The following FTO variants were observed in gnomAD, a reference collection of about 807,000 sequenced individuals.
FTO encodes the protein alpha-ketoglutarate-dependent dioxygenase FTO.
A neutral mutation model predicts 63.9 loss-of-function variants in FTO; 47 were observed. The ratio of observed to expected loss-of-function variants is 0.74; its 90% CI spans 0.58 to 0.94. FTO has a LOEUF of 0.94. Among genes scored for constraint, FTO ranks in the 40% least tolerant of loss-of-function variants. FTO has a pLI of 0.00. For synonymous variants in FTO, 207 were observed against 224.4 expected (o/e 0.92, Z 0.69); for missense variants, 562 against 618.1 (o/e 0.91, Z 0.96).
intron 1 of FTO, among the ~76,000 whole-genome samples, chr16:53,736,999 C>T (rs1209614091): frequency 6.6e-6 from 1 of 152,182 alleles, no homozygotes; most frequent in South Asian, 2.1e-4. Flanking sequence ...CCATTTATCA[C>T]TTCAGCTTCT....
chr16:54,078,216 T>A (rs113185297), intron 8 of FTO, among the ~76,000 whole-genome samples: 4 of 151,278 alleles, frequency 2.6e-5, no homozygotes, highest in Non-Finnish European at 5.9e-5. Context: ...TATATGTATA[T>A]GTAAACTTAT....
chr16:53,996,977 G>T (rs1025695308), intron 8 of FTO, among the ~76,000 whole-genome samples: 2 of 152,066 alleles, frequency 1.3e-5, no homozygotes, highest in Non-Finnish European at 2.9e-5. Flanking sequence ...GCCTGGCGTG[G>T]TGGCGGGTGC....
chr16:53,849,817 C>T (rs957234969), intron 4 of FTO, among the ~76,000 whole-genome samples: 16 of 152,348 alleles, frequency 1.1e-4, no homozygotes, highest in Non-Finnish European at 1.6e-4. Flanking sequence ...GGAGTTTAGA[C>T]TCTTAAGCGG....
At chr16:53,725,727 A>G (rs938834718) in intron 1 of FTO, among the ~76,000 whole-genome samples, 2 of 152,188 alleles carry the variant, frequency 1.3e-5, no homozygotes, top group Non-Finnish European at 2.9e-5. Context: ...CCCCAGGCTC[A>G]CTTAAGGATG....
intron 2 of FTO, chr16:53,814,810 C>T (rs950364244): frequency 3.3e-5 from 5 of 152,176 alleles, no homozygotes; most frequent in Admixed American, 2.6e-4. Flanking sequence ...TTACTTACTC[C>T]ATTAAACAAA....
chr16:54,110,061 T>C (rs1421631903), intron 8 of FTO, among the ~76,000 whole-genome samples: 4 of 152,194 alleles, frequency 2.6e-5, no homozygotes, highest in African/African-American at 9.7e-5. Context: ...GCAGCTTTCC[T>C]TGAATATTAA....
intron 4 of FTO, among the ~76,000 whole-genome samples, chr16:53,851,801 A>T (rs533390187): frequency 1.3e-5 from 2 of 152,222 alleles, no homozygotes; most frequent in East Asian, 3.9e-4. Context: ...ACAAGGAAAT[A>T]AAAATTGAAA....
At chr16:53,743,746 G>A (rs2076581787) in intron 1 of FTO, among the ~76,000 whole-genome samples, 2 of 151,528 alleles carry the variant, frequency 1.3e-5, no homozygotes, top group East Asian at 1.9e-4. Flanking sequence ...TAACTTACAT[G>A]TATTATCTCC....
chr16:53,809,878 T>A (rs1201305905), intron 1 of FTO, among the ~76,000 whole-genome samples: 1 of 152,032 alleles, frequency 6.6e-6, no homozygotes, highest in East Asian at 1.9e-4. Flanking sequence ...GAGTTTGATG[T>A]TATAGTGAGT....
At chr16:54,111,690 C>T (rs552126057) in intron 8 of FTO, 72 bp from the exon 9 acceptor site, 44 of 1,552,184 alleles carry the variant, frequency 2.8e-5, no homozygotes, top group Non-Finnish European at 3.8e-5. Context: ...AGTGTTGCTC[C>T]AAGCTTCCTG....
intron 1 of FTO, among the ~76,000 whole-genome samples, chr16:53,795,466 T>C (rs191406439): frequency 9.9e-5 from 15 of 151,874 alleles, no homozygotes; most frequent in African/African-American, 2.9e-4. Context: ...TGTGTGTGTG[T>C]GCGTGCGTGT....
intron 1 of FTO, among the ~76,000 whole-genome samples, chr16:53,751,184 G>GC (rs1483027735): frequency 1.3e-5 from 1 of 74,650 alleles, no homozygotes; most frequent in African/African-American, 1.1e-4. Flanking sequence ...CAAGGCGAGA[G>GC]ATCACTTGAG....
chr16:53,964,792 A>G (rs1307313310), intron 8 of FTO, among the ~76,000 whole-genome samples: 1 of 152,256 alleles, frequency 6.6e-6, no homozygotes. Context: ...GTTAAGGCAT[A>G]TACTGAATTC....
At chr16:53,722,408 A>G (rs1457498956) in intron 1 of FTO, among the ~76,000 whole-genome samples, 2 of 152,198 alleles carry the variant, frequency 1.3e-5, no homozygotes, top group African/African-American at 4.8e-5. Flanking sequence ...TTCTTGTCAA[A>G]TGGAAACATG....
At chr16:54,076,547 G>A (rs1298459964) in intron 8 of FTO, among the ~76,000 whole-genome samples, 2 of 151,846 alleles carry the variant, frequency 1.3e-5, no homozygotes, top group Non-Finnish European at 2.9e-5. Context: ...TGTCTTTTGC[G>A]TTTTATATAC....
chr16:54,114,391 T>C lies in FTO; in HGVS notation c.*2476T>C, dbSNP rs2086953428. ...TGACTATTGAACTCTATTCGTAGACTGCTTGTACTAATGTCATTTGCATCA... is the reference window on the plus strand; with the variant it reads ...TGACTATTGAACTCTATTCGTAGACCGCTTGTACTAATGTCATTTGCATCA... On this transcript the variant is annotated 3_prime_UTR_variant, in exon 9 of 9. Transcript: ENST00000471389. 2 of 152,204 alleles carry C rather than the reference T, an allele frequency of 1.3e-5. No homozygotes were observed. Among genetic ancestry groups the C allele is most frequent in the South Asian group, 4.1e-4 (2 of 4,836 alleles). 9.4% of individuals were successfully genotyped at this position (152,204 alleles called of 1,614,324 possible).
At position 54,116,655 on chromosome 16, in the gene FTO, TG is replaced by T. The variant is rs2086976857; in HGVS notation, c.*4741del. The T allele has an allele frequency of 6.6e-6, 1 of 152,014 alleles. No homozygotes were observed. The highest frequency in any genetic ancestry group is 6.5e-5 in the Admixed American group (1 of 15,272). The allele number at this position is 152,014 out of a possible 1,614,324, so 9.4% of individuals were successfully genotyped here. A position where few individuals can be genotyped will look rare whatever the true frequency, so the allele number is the denominator to read the frequency against. On this transcript the variant is annotated 3_prime_UTR_variant, in exon 9 of 9. Coordinates refer to ENST00000471389, the MANE Select transcript of FTO (RefSeq NM_001080432.3). The stretch of plus-strand genomic sequence containing the variant: ...GGGAAGCCGGCTAAGAATGACTTCC[TG>T]CAAGACAGCAAGGGCACCCCTGGGC...
chr16:53,842,383 A>G (rs1208709132), intron 3 of FTO, among the ~76,000 whole-genome samples: 1 of 152,224 alleles, frequency 6.6e-6, no homozygotes. Context: ...TGACCAGTAA[A>G]TAGTAAGTGC....
At chr16:53,893,666 A>G (rs1567407792) in intron 7 of FTO, among the ~76,000 whole-genome samples, 2 of 151,982 alleles carry the variant, frequency 1.3e-5, no homozygotes, top group Non-Finnish European at 2.9e-5. Flanking sequence ...TTGACCTTAA[A>G]AAAAAAAAAG....
Sources: gnomAD v4.1 joint callset for allele counts (sites outside exome capture counted in the v4.1 genomes callset) on GRCh38, gnomAD v4.1.1 for gene constraint, MANE v1.5 for transcripts, NCBI Gene and HGNC (gene_info 2026-07-23, HGNC 2026-07-21) for gene names.